Variants in PRICKLE1 observed in about 807,000 individuals in gnomAD.
PRICKLE1 encodes prickle planar cell polarity protein 1.
Under a neutral mutation model 70.2 loss-of-function variants are expected in PRICKLE1, and 14 were observed. The observed-to-expected ratio is 0.20, with a 90% CI of 0.13 to 0.31. PRICKLE1 has a LOEUF of 0.31. PRICKLE1 is among the 10% of genes least tolerant of loss of function. The pLI, the probability that PRICKLE1 is intolerant of heterozygous loss-of-function variation, is 1.00. For synonymous variants in PRICKLE1, 357 were observed against 379.9 expected, an observed-to-expected ratio of 0.94 and a Z score of 0.70; for missense variants, 821 against 1,026.2, an observed-to-expected ratio of 0.80 and a Z score of 2.73.
rs1465597792 is a variant in PRICKLE1 at position 42,457,943 on chromosome 12, G to A, written c.*1866C>T. On this transcript the variant is annotated 3_prime_UTR_variant, in exon 8 of 8. Coordinates refer to ENST00000345127, the MANE Select transcript of PRICKLE1 (RefSeq NM_153026.3). Reference sequence around the variant, plus strand: ...TGCCCTATTTGAATTTTTTTGTCATGTGTATGCACTTCCTTTTCATTGCTG... The same window carrying A: ...TGCCCTATTTGAATTTTTTTGTCATATGTATGCACTTCCTTTTCATTGCTG... 1 of 152,236 alleles carries A rather than the reference G, an allele frequency of 6.6e-6. No homozygotes were observed. The highest frequency in any genetic ancestry group is 2.4e-5 in the African/African-American group (1 of 41,446). 9.4% of individuals were successfully genotyped at this position (152,236 alleles called of 1,614,324 possible).
At chr12:42,579,215 C>G (rs1052599381) in intron 1 of PRICKLE1, among the ~76,000 whole-genome samples, 2 of 152,124 alleles carry the variant, frequency 1.3e-5, no homozygotes, top group African/African-American at 4.8e-5. Context: ...TAGATGGTGA[C>G]TGGGAAAAAG....
intron 1 of PRICKLE1, among the ~76,000 whole-genome samples, chr12:42,543,027 T>C (rs537066408): frequency 9.8e-5 from 15 of 152,324 alleles, no homozygotes; most frequent in African/African-American, 3.1e-4. Context: ...TTCCACCATA[T>C]AAGGACACTG....
In PRICKLE1 at chr12:42,570,557, T is replaced by C. The variant is rs771754055; in HGVS notation, c.-49+18908A>G. On this transcript the variant is annotated intron_variant, in intron 1 of 7. Coordinates refer to ENST00000345127, the MANE Select transcript of PRICKLE1 (RefSeq NM_153026.3). Reference sequence around the variant, plus strand: ...TCCTGGGCTGGGCACAGTGGGCTCATGCCTGTAATCCCAGCACTTTGGGAG... The same window carrying C: ...TCCTGGGCTGGGCACAGTGGGCTCACGCCTGTAATCCCAGCACTTTGGGAG... Among the ~76,000 whole-genome samples the C allele has an allele frequency of 5.3e-5, 8 of 152,346 alleles. No individual in the cohort carries two copies. In the East Asian group the frequency reaches 1.2e-3, roughly 22 times the overall value.
At chr12:42,488,832 T>C (rs1015726643) in intron 1 of PRICKLE1, among the ~76,000 whole-genome samples, 3 of 152,114 alleles carry the variant, frequency 2.0e-5, no homozygotes, top group East Asian at 1.9e-4. Context: ...GGGCAGATTA[T>C]AGGAAATTAT....
At chr12:42,498,631 A>C (rs1212325963) in intron 1 of PRICKLE1, among the ~76,000 whole-genome samples, 2 of 152,218 alleles carry the variant, frequency 1.3e-5, no homozygotes, top group Non-Finnish European at 2.9e-5. Flanking sequence ...TAAATTAAAA[A>C]ACAAAATCCC....
At position 42,460,536 on chromosome 12, in the gene PRICKLE1, C is replaced by T. The variant is rs747016163; in HGVS notation, c.1769G>A (p.Arg590Lys). 4 of 1,614,118 alleles carry T rather than the reference C, an allele frequency of 2.5e-6. No individual in the cohort carries two copies. The highest frequency in any genetic ancestry group is 3.4e-6 in the Non-Finnish European group (4 of 1,180,002). The part of the protein sequence containing the change: ...MGTLNSSMLH[R>K]SAESLKSLSS... ...TAGACTCTTTAAGGACTCTGCACTC[C>T]TGTGCAGCATGGAAGAGTTCAAAGT... Residue 590 changes from arginine (R) to lysine (K), a missense_variant, in exon 8 of 8, where the codon AGG becomes AAG. Coordinates refer to ENST00000345127, the MANE Select transcript of PRICKLE1 (RefSeq NM_153026.3).
chr12:42,577,349 A>C (rs1208441570), intron 1 of PRICKLE1, among the ~76,000 whole-genome samples: 1 of 151,974 alleles, frequency 6.6e-6, no homozygotes, highest in East Asian at 1.9e-4. Context: ...TATAAACCAG[A>C]CTTTTGATCA....
chr12:42,479,833 T>G lies in PRICKLE1; in HGVS notation c.-48-7269A>C, dbSNP rs761163818. 2.7e-3 allele frequency among the ~76,000 whole-genome samples: 406 copies of G among 152,072 alleles called. 7 individuals carry two copies. The highest frequency in any genetic ancestry group is 8.2e-4 in the Non-Finnish European group (56 of 67,996). On this transcript the variant is annotated intron_variant, in intron 1 of 7. Transcript: ENST00000345127. ...AGCCGGGCATGGTGGCGCATGTCTG[T>G]AATCCCAGTACTTGGGAGGCTGAGG...
chr12:42,483,453 C>T (rs1240095280), intron 1 of PRICKLE1: 1 of 151,976 alleles, frequency 6.6e-6, no homozygotes, highest in African/African-American at 2.4e-5. Flanking sequence ...GCGCACTAGC[C>T]GCCCGCCCGC....
chr12:42,543,722 C>T (rs1250170004), intron 1 of PRICKLE1, among the ~76,000 whole-genome samples: 19 of 151,920 alleles, frequency 1.3e-4, no homozygotes, highest in African/African-American at 3.6e-4. Context: ...GGGGTTTCAC[C>T]GTGTTAGCCA....
At chr12:42,533,821 C>T (rs1439186222) in intron 1 of PRICKLE1, among the ~76,000 whole-genome samples, 2 of 152,262 alleles carry the variant, frequency 1.3e-5, no homozygotes, top group Middle Eastern at 6.8e-3. Context: ...AGGCCTTGTT[C>T]TTCTGACACT....
At chr12:42,462,033 C>T (rs1937862675) in intron 7 of PRICKLE1, among the ~76,000 whole-genome samples, 1 of 151,988 alleles carries the variant, frequency 6.6e-6, no homozygotes. Flanking sequence ...CTCCTGACCT[C>T]GTGATCTGCC....
rs915817873 is a variant in PRICKLE1, at chr12:42,565,370, C to A, written c.-49+24095G>T. Reference sequence around the variant, plus strand: ...AACCAAGAAACTTAAGAAAGTACTTCTCTCAAGAGAGATGTGTTTTGGGGA... The same window carrying A: ...AACCAAGAAACTTAAGAAAGTACTTATCTCAAGAGAGATGTGTTTTGGGGA... On this transcript the variant is annotated intron_variant, in intron 1 of 7. Coordinates refer to ENST00000345127, the MANE Select transcript of PRICKLE1 (RefSeq NM_153026.3). Among the ~76,000 whole-genome samples, 3 of 152,186 alleles carry A rather than the reference C, an allele frequency of 2.0e-5. No individual in the cohort carries two copies. In the East Asian group the frequency reaches 5.8e-4, roughly 29 times the overall value.
chr12:42,555,823 A>G (rs1167644717), intron 1 of PRICKLE1, among the ~76,000 whole-genome samples: 1 of 152,218 alleles, frequency 6.6e-6, no homozygotes, highest in Non-Finnish European at 1.5e-5. Context: ...TTTTCTTTAT[A>G]TACCACTTGG....
chr12:42,469,411 C>T (rs1207345212), intron 4 of PRICKLE1, 39 bp downstream of exon 4: 1 of 1,612,620 alleles, frequency 6.2e-7, no homozygotes, highest in Admixed American at 1.7e-5. Flanking sequence ...CCATCCACAT[C>T]ACTGCCACAA....
At chr12:42,587,736 G>C (rs1418469085) in intron 1 of PRICKLE1, among the ~76,000 whole-genome samples, 1 of 152,244 alleles carries the variant, frequency 6.6e-6, no homozygotes, top group African/African-American at 2.4e-5. Context: ...CCACATTGGA[G>C]GCAAACTGAA....
intron 1 of PRICKLE1, among the ~76,000 whole-genome samples, chr12:42,582,989 T>C (rs1265321406): frequency 6.6e-6 from 1 of 152,178 alleles, no homozygotes; most frequent in East Asian, 1.9e-4. Context: ...TGCACGTAAA[T>C]AGGATAGTTG....
At chr12:42,550,173 C>G (rs942171463) in intron 1 of PRICKLE1, 1 of 152,148 alleles carries the variant, frequency 6.6e-6, no homozygotes, top group Non-Finnish European at 1.5e-5. Context: ...AGCAGCTCAC[C>G]CAAACAAAAA....
At chr12:42,506,838 T>C (rs1173350219) in intron 1 of PRICKLE1, among the ~76,000 whole-genome samples, 3 of 152,042 alleles carry the variant, frequency 2.0e-5, no homozygotes, top group African/African-American at 7.2e-5. Flanking sequence ...CCTAAAGTGT[T>C]GGGATTACAG....
Sources: allele counts gnomAD v4.1 joint callset (sites outside exome capture counted in the v4.1 genomes callset), GRCh38; gene constraint gnomAD v4.1.1; transcripts MANE v1.5; gene names NCBI Gene and HGNC (gene_info 2026-07-23, HGNC 2026-07-21).